Variants in RBM33 observed in about 807,000 individuals in gnomAD.
RBM33 encodes RNA binding motif protein 33, also known as RNA-binding protein 33.
A neutral mutation model predicts 132.6 loss-of-function variants in RBM33; 28 were observed. The observed-to-expected ratio is 0.21, with a 90% CI of 0.16 to 0.29. RBM33 has a LOEUF of 0.29. RBM33 is among the 10% of genes least tolerant of loss of function. RBM33 has a pLI of 1.00. For missense variants in RBM33, 1,291 were observed against 1,518.5 expected (o/e 0.85, Z 2.49); for synonymous variants, 634 against 593.0 (o/e 1.07, Z -1.01).
chr7:155,688,924 G>C (rs1799553086), intron 5 of RBM33, among the ~76,000 whole-genome samples: 1 of 152,132 alleles, frequency 6.6e-6, no homozygotes, highest in African/African-American at 2.4e-5. Flanking sequence ...AGGGATATTG[G>C]TCTAAAATTC....
intron 13 of RBM33, among the ~76,000 whole-genome samples, chr7:155,744,253 T>A (rs1801444766): frequency 6.6e-6 from 1 of 152,264 alleles, no homozygotes; most frequent in African/African-American, 2.4e-5. Context: ...TCTTTAAAAA[T>A]GCTTAACTTT....
At chr7:155,724,388 C>T (rs549445140) in intron 9 of RBM33, among the ~76,000 whole-genome samples, 49 of 152,196 alleles carry the variant, frequency 3.2e-4, no homozygotes, top group Non-Finnish European at 5.6e-4. Flanking sequence ...ATTAGTTGGG[C>T]ATGGTGGCGG....
At chr7:155,680,398 G>A (rs1441189592) in intron 4 of RBM33, among the ~76,000 whole-genome samples, 192 bp from the exon 5 acceptor site, 1 of 152,176 alleles carries the variant, frequency 6.6e-6, no homozygotes, top group Non-Finnish European at 1.5e-5. Flanking sequence ...TCTGCTGTAC[G>A]CATTAAGGGT....
Position 155,774,795 on chromosome 7 carries a change from T to C in RBM33, c.3464+148T>C. On this transcript the variant is annotated intron_variant, in intron 17 of 17. Coordinates refer to ENST00000401878, the MANE Select transcript of RBM33 (RefSeq NM_053043.3). The surrounding 1 kb of genome is among the most constrained non-coding windows in gnomAD (Gnocchi z 4.2). ...GGGCACAAAGCGCAGACGGTGATCC[T>C]GTCATGAGGCGCGCGTCCTTTTGTC... is the stretch of plus-strand genomic sequence containing the variant. 2 of 809,144 alleles carry C rather than the reference T, an allele frequency of 2.5e-6. No homozygotes were observed. The highest frequency in any genetic ancestry group is 4.2e-6 in the Non-Finnish European group (2 of 481,228). 50.1% of individuals were successfully genotyped at this position (809,144 alleles called of 1,614,324 possible).
At position 155,763,994 on chromosome 7, in the gene RBM33, C is replaced by A; in HGVS notation, c.3162C>A (p.Ile1054=). 1 of 1,563,968 alleles carries A rather than the reference C, an allele frequency of 6.4e-7. No individual in the cohort carries two copies. Among genetic ancestry groups the A allele is most frequent in the Non-Finnish European group, 8.7e-7 (1 of 1,154,912 alleles). Residue 1054 remains isoleucine, a synonymous_variant, in exon 15 of 18, where the codon ATC becomes ATA. Coordinates refer to ENST00000401878, the MANE Select transcript of RBM33 (RefSeq NM_053043.3). ...CTGTCCCTCCAGGGATCAAAAGCATCCAAGGAATTCACCCGGCGAAGAAGG... is the reference window on the plus strand; with the variant it reads ...CTGTCCCTCCAGGGATCAAAAGCATACAAGGAATTCACCCGGCGAAGAAGG... ...HSPVPPGIKS[I]QGIHPAKKAI...
chr7:155,706,656 C>T (rs1800122868), intron 6 of RBM33, among the ~76,000 whole-genome samples: 1 of 152,094 alleles, frequency 6.6e-6, no homozygotes, highest in African/African-American at 2.4e-5. Flanking sequence ...AACGGAAAGC[C>T]TGTTCTTATT....
chr7:155,689,504 C>T (rs903728949), intron 5 of RBM33, among the ~76,000 whole-genome samples: 2 of 152,080 alleles, frequency 1.3e-5, no homozygotes, highest in Non-Finnish European at 2.9e-5. Flanking sequence ...TTATTTCTTG[C>T]CTTCTGCCAG....
chr7:155,644,802 C>A lies in RBM33; in HGVS notation c.-75C>A, dbSNP rs76847091. The A allele has an allele frequency of 4.6e-3, 5,797 of 1,273,216 alleles. 213 individuals carry two copies. In the African/African-American group the frequency reaches 0.079, roughly 17 times the overall value. The allele number at this position is 1,273,216 out of a possible 1,614,324, so 78.9% of individuals were successfully genotyped here. A position where few individuals can be genotyped will look rare whatever the true frequency, so the allele number is the denominator to read the frequency against. On this transcript the variant is annotated 5_prime_UTR_variant, in exon 1 of 18. Coordinates refer to ENST00000401878, the MANE Select transcript of RBM33 (RefSeq NM_053043.3). Reference sequence around the variant, plus strand: ...CTTCTCTGTCCTCCGTCACCCGTACCCGGGCCCGGACCAGGCACGTCGGCC... The same window carrying A: ...CTTCTCTGTCCTCCGTCACCCGTACACGGGCCCGGACCAGGCACGTCGGCC...
chr7:155,760,971 G>A (rs73167190), intron 14 of RBM33, among the ~76,000 whole-genome samples: 9,916 of 152,272 alleles, frequency 0.065, 496 homozygotes, highest in African/African-American at 0.14. Context: ...CAGTAAGATC[G>A]CACGTTTCAG....
intron 9 of RBM33, among the ~76,000 whole-genome samples, chr7:155,736,914 TTGC>T (rs1801142989): frequency 6.6e-6 from 1 of 152,208 alleles, no homozygotes; most frequent in African/African-American, 2.4e-5. Flanking sequence ...TAATTTCTAG[TTGC>T]TGCGTTTTGA....
chr7:155,775,129 G>A lies in RBM33; in HGVS notation c.*88G>A, dbSNP rs761869903. 32 of 1,162,152 alleles carry A rather than the reference G, an allele frequency of 2.8e-5. No individual in the cohort carries two copies. Among genetic ancestry groups the A allele is most frequent in the African/African-American group, 6.0e-5 (4 of 66,206 alleles). The allele number at this position is 1,162,152 out of a possible 1,614,324, so 72.0% of individuals were successfully genotyped here. A position where few individuals can be genotyped will look rare whatever the true frequency, so the allele number is the denominator to read the frequency against. The stretch of plus-strand genomic sequence containing the variant: ...GCCGGCCGGCGCAGAACCCCCAGGA[G>A]CACAGGTCTCTCCGGGCCGCTGTCC... On this transcript the variant is annotated 3_prime_UTR_variant, in exon 18 of 18. Coordinates refer to ENST00000401878, the MANE Select transcript of RBM33 (RefSeq NM_053043.3).
chr7:155,651,182 G>A (rs1798344384), intron 1 of RBM33, among the ~76,000 whole-genome samples: 1 of 152,164 alleles, frequency 6.6e-6, no homozygotes, highest in African/African-American at 2.4e-5. Context: ...CTGGCCGACA[G>A]CTTCTTGAGT....
chr7:155,671,439 A>G (rs1798940292), intron 2 of RBM33, among the ~76,000 whole-genome samples: 1 of 152,190 alleles, frequency 6.6e-6, no homozygotes, highest in African/African-American at 2.4e-5. Context: ...ACTGGAGGAT[A>G]ACTTAAAATA....
At chr7:155,748,309 A>C (rs1801584071) in intron 14 of RBM33, among the ~76,000 whole-genome samples, 1 of 152,206 alleles carries the variant, frequency 6.6e-6, no homozygotes, top group Admixed American at 6.5e-5. Flanking sequence ...TAATGCATTT[A>C]ATTCAATTAT....
chr7:155,647,300 T>C (rs1027704866), intron 1 of RBM33, among the ~76,000 whole-genome samples: 1 of 152,258 alleles, frequency 6.6e-6, no homozygotes, highest in African/African-American at 2.4e-5. Context: ...TGTTCGAGAT[T>C]GTCAGTTTGA....
intron 8 of RBM33, among the ~76,000 whole-genome samples, chr7:155,714,644 G>A (rs1800406344): frequency 6.6e-6 from 1 of 152,186 alleles, no homozygotes; most frequent in African/African-American, 2.4e-5. Flanking sequence ...GCAAGAAGCT[G>A]TGGGAGAACA....
chr7:155,701,521 C>G (rs1799963084), intron 6 of RBM33: 1 of 153,286 alleles, frequency 6.5e-6, no homozygotes, highest in Non-Finnish European at 1.4e-5. Context: ...GCGACCCTAC[C>G]CCTCATTATA....
intron 5 of RBM33, among the ~76,000 whole-genome samples, chr7:155,698,849 C>G (rs1444655444): frequency 2.0e-5 from 3 of 152,146 alleles, no homozygotes; most frequent in Non-Finnish European, 4.4e-5. Context: ...TGTCAATAGA[C>G]CTATTGCGAA....
chr7:155,710,822 C>G (rs1800261802), intron 7 of RBM33, among the ~76,000 whole-genome samples: 1 of 152,068 alleles, frequency 6.6e-6, no homozygotes, highest in Non-Finnish European at 1.5e-5. Context: ...GGATGCAAGG[C>G]TGCTACAGGG....
Sources: allele counts gnomAD v4.1 joint callset (sites outside exome capture counted in the v4.1 genomes callset), GRCh38; gene constraint gnomAD v4.1.1; non-coding constraint Gnocchi (gnomAD v3.1); transcripts MANE v1.5; gene names NCBI Gene and HGNC (gene_info 2026-07-23, HGNC 2026-07-21).